GPHN: variants seen among roughly 807,000 people sequenced by gnomAD.
The protein encoded by GPHN is gephyrin.
A neutral mutation model predicts 95.5 loss-of-function variants in GPHN; 17 were observed. The observed-to-expected ratio is 0.18, with a 90% CI of 0.12 to 0.27. GPHN has a LOEUF of 0.27. Among genes scored for constraint, GPHN ranks in the 10% least tolerant of loss-of-function variants. The pLI, the probability that GPHN is intolerant of heterozygous loss-of-function variation, is 1.00. For synonymous variants in GPHN, 320 were observed against 322.5 expected (o/e 0.99, Z 0.08); for missense variants, 660 against 978.1 (o/e 0.67, Z 4.34).
At chr14:67,677,323 CTGAA>C in the GPHN span, 1 of 107,546 alleles carries the variant, frequency 9.3e-6, no homozygotes, top group Non-Finnish European at 1.9e-5. Context: ...GATAATTTTT[CTGAA>C]TGAAGAATTG....
At chr14:66,666,643 A>G (rs1051264358) in intron 1 of GPHN, among the ~76,000 whole-genome samples, 5 of 152,190 alleles carry the variant, frequency 3.3e-5, no homozygotes, top group Non-Finnish European at 5.9e-5. Context: ...CCTCAAACTA[A>G]TAAGAGCCAT....
chr14:66,536,814 T>C (rs754366317), intron 1 of GPHN, among the ~76,000 whole-genome samples: 12 of 152,206 alleles, frequency 7.9e-5, no homozygotes, highest in Non-Finnish European at 1.3e-4. Flanking sequence ...GACTGATTTC[T>C]TTTTTCCTGT....
chr14:67,587,226 G>T, the GPHN span: 1 of 1,613,682 alleles, frequency 6.2e-7, no homozygotes, highest in Non-Finnish European at 8.5e-7. Flanking sequence ...AGGGGCCAAC[G>T]TTGCTGTGAA....
At chr14:67,032,214 T>C (rs2074225886) in intron 10 of GPHN, among the ~76,000 whole-genome samples, 1 of 152,172 alleles carries the variant, frequency 6.6e-6, no homozygotes, top group African/African-American at 2.4e-5. Context: ...TCCAATATTC[T>C]AGCTTTTCAG....
At chr14:67,302,823 A>G in the GPHN span, among the ~76,000 whole-genome samples, 1 of 143,168 alleles carries the variant, frequency 7.0e-6, no homozygotes, top group East Asian at 1.9e-4. Flanking sequence ...TAACTCATTA[A>G]TTCACTCAGT....
chr14:66,648,582 G>C (rs1242160399), intron 1 of GPHN, among the ~76,000 whole-genome samples: 1 of 152,056 alleles, frequency 6.6e-6, no homozygotes, highest in African/African-American at 2.4e-5. Context: ...TTGTAGCCTA[G>C]GATCAATAGG....
the GPHN span, among the ~76,000 whole-genome samples, chr14:67,653,796 A>G: frequency 1.3e-5 from 2 of 152,368 alleles, no homozygotes; most frequent in East Asian, 3.9e-4. Context: ...AAGTGTAGCC[A>G]GCAGACTGGC....
chr14:67,642,048 T>A, the GPHN span: 1 of 853,326 alleles, frequency 1.2e-6, no homozygotes, highest in Non-Finnish European at 1.8e-6. Context: ...CTTCCCACAA[T>A]CATTTGACAT....
the GPHN span, chr14:67,223,889 C>A: frequency 1.6e-5 from 16 of 985,656 alleles, no homozygotes; most frequent in Non-Finnish European, 1.9e-5. Context: ...CAAAGACTGG[C>A]TGAATCTTAA....
chr14:67,154,324 C>T (rs903730009), intron 18 of GPHN, among the ~76,000 whole-genome samples: 1 of 152,200 alleles, frequency 6.6e-6, no homozygotes, highest in Non-Finnish European at 1.5e-5. Flanking sequence ...TTCCTATTCC[C>T]CACACCCTCA....
At chr14:67,501,069 T>TAAG in the GPHN span, among the ~76,000 whole-genome samples, 1 of 147,786 alleles carries the variant, frequency 6.8e-6, no homozygotes, top group African/African-American at 2.5e-5. Flanking sequence ...ATAATAATAA[T>TAAG]AATAATAATA....
At chr14:66,929,837 G>T (rs566341555) in intron 8 of GPHN, among the ~76,000 whole-genome samples, 101 of 152,046 alleles carry the variant, frequency 6.6e-4, no homozygotes, top group Non-Finnish European at 1.2e-3. Flanking sequence ...TCAGCCTCCT[G>T]AGTAGCTGGG....
At chr14:66,623,909 A>AG (rs2063415301) in intron 1 of GPHN, among the ~76,000 whole-genome samples, 1 of 152,028 alleles carries the variant, frequency 6.6e-6, no homozygotes. Context: ...GTAATATTTC[A>AG]CCTCCTTGAG....
chr14:67,578,303 C>T, the GPHN span: 1 of 1,007,552 alleles, frequency 9.9e-7, no homozygotes. The surrounding 1 kb of genome is among the most constrained non-coding windows in gnomAD (Gnocchi z 5.0). Context: ...TGAGCCCAGC[C>T]AGCGGGCAGC....
At chr14:66,864,598 C>T (rs1173743697) in intron 4 of GPHN, among the ~76,000 whole-genome samples, 1 of 152,058 alleles carries the variant, frequency 6.6e-6, no homozygotes, top group East Asian at 1.9e-4. Context: ...CATGGTAAAA[C>T]CCTGTTTCTA....
At chr14:66,811,325 T>G (rs1281474131) in intron 3 of GPHN, among the ~76,000 whole-genome samples, 2 of 152,128 alleles carry the variant, frequency 1.3e-5, no homozygotes, top group East Asian at 1.9e-4. Context: ...GATTTGTCAT[T>G]CTTGAAAGGA....
At chr14:67,612,269 C>T in the GPHN span, among the ~76,000 whole-genome samples, 1 of 152,122 alleles carries the variant, frequency 6.6e-6, no homozygotes, top group East Asian at 1.9e-4. Flanking sequence ...TCTCCCAGAG[C>T]CATAGGAAGC....
the GPHN span, chr14:67,571,883 C>A: frequency 3.7e-6 from 6 of 1,611,118 alleles, no homozygotes; most frequent in African/African-American, 1.3e-5. Flanking sequence ...GACTAGGCAG[C>A]CCCCGGGCCA....
At chr14:67,246,862 G>A in the GPHN span, among the ~76,000 whole-genome samples, 1 of 152,032 alleles carries the variant, frequency 6.6e-6, no homozygotes, top group Non-Finnish European at 1.5e-5. Flanking sequence ...GTGTTGGCCA[G>A]GATGGTCTTG....
Sources: allele counts gnomAD v4.1 joint callset (sites outside exome capture counted in the v4.1 genomes callset), GRCh38; gene constraint gnomAD v4.1.1; non-coding constraint Gnocchi (gnomAD v3.1); transcripts MANE v1.5; gene names NCBI Gene and HGNC (gene_info 2026-07-23, HGNC 2026-07-21).